The following OR8J3 variants were observed in gnomAD, a reference collection of about 807,000 sequenced individuals.
OR8J3 encodes the protein olfactory receptor 8J3.
For missense variants in OR8J3, 418 were observed against 379.8 expected (o/e 1.10, Z -0.84); for synonymous variants, 170 against 142.6 (o/e 1.19, Z -1.37).
rs1854346628 is a variant in OR8J3 at position 56,137,541 on chromosome 11, A to G, written c.178T>C (p.Tyr60His). The change falls in exon 2 of 2, where the codon TAC becomes CAC. Residue 60 changes from tyrosine (Y) to histidine (H), a missense_variant. Physicochemically the swap from Tyr to His is moderately conservative, Grantham distance 83. Transcript: ENST00000642058. Reference protein sequence around the residue: ...SVDSRLQNPMYFFLRHLAIIN... With the variant: ...SVDSRLQNPMHFFLRHLAIIN... ...ATAGCTAGATGTCTCAGGAAAAAGTACATGGGGTTTTGAAGTCGAGAGTCA... is the reference window on the plus strand; with the variant it reads ...ATAGCTAGATGTCTCAGGAAAAAGTGCATGGGGTTTTGAAGTCGAGAGTCA... The G allele has an allele frequency of 6.2e-7, 1 of 1,614,248 alleles. No homozygotes were observed. The highest frequency in any genetic ancestry group is 1.3e-5 in the African/African-American group (1 of 75,070).
rs367569232 is a variant in OR8J3 at position 56,136,690 on chromosome 11, G to T, written c.*81C>A. 1.5e-5 allele frequency: 11 copies of T among 715,984 alleles called. No homozygotes were observed. The African/African-American group carries it at 1.6e-4, about 11-fold the overall frequency. The allele number at this position is 715,984 out of a possible 1,614,324, so 44.4% of individuals were successfully genotyped here. ...TTACCTCTTGGTAATTCTTAGGATTGCTTGTAAACTTACTTTTATTTCTCT... is the reference window on the plus strand; with the variant it reads ...TTACCTCTTGGTAATTCTTAGGATTTCTTGTAAACTTACTTTTATTTCTCT... On this transcript the variant is annotated 3_prime_UTR_variant, in exon 2 of 2. Transcript: ENST00000642058.
chr11:56,138,112 T>G lies in OR8J3; in HGVS notation c.-394A>C, dbSNP rs961880478. On this transcript the variant is annotated 5_prime_UTR_variant, in exon 2 of 2. Transcript: ENST00000642058. ...GCTTAAGAAATTGTATATCGCCAAA[T>G]AATCCAATGGCTACTTGCAATTTCC... is the stretch of plus-strand genomic sequence containing the variant. 17 of 180,288 alleles carry G rather than the reference T, an allele frequency of 9.4e-5. No homozygotes were observed. Among genetic ancestry groups the G allele is most frequent in the Non-Finnish European group, 1.7e-4 (15 of 86,444 alleles). 11.2% of individuals were successfully genotyped at this position (180,288 alleles called of 1,614,324 possible). A position where few individuals can be genotyped will look rare whatever the true frequency, so the allele number is the denominator to read the frequency against.
At position 56,136,963 on chromosome 11, in the gene OR8J3, A is replaced by G. The variant is rs61743520; in HGVS notation, c.756T>C (p.Tyr252=). ...GCAAATACATAAATAGCATTGTCCC[A>G]TAGAAAACCGTGACTGCTATCATAT... is the stretch of plus-strand genomic sequence containing the variant. The part of the protein sequence containing the change: ...ASHMIAVTVF[Y]GTMLFMYLQP... Residue 252 remains tyrosine (Y), a synonymous_variant, in exon 2 of 2, where the codon TAT becomes TAC. Transcript: ENST00000642058. The G allele has an allele frequency of 3.1e-6, 5 of 1,613,620 alleles. No individual in the cohort carries two copies. The highest frequency in any genetic ancestry group is 1.3e-5 in the African/African-American group (1 of 75,030).
chr11:56,137,607 T>G lies in OR8J3; in HGVS notation c.112A>C (p.Thr38Pro), dbSNP rs748863487. The G allele has an allele frequency of 1.2e-6, 2 of 1,614,168 alleles. No homozygotes were observed. Among genetic ancestry groups the G allele is most frequent in the East Asian group, 2.2e-5 (1 of 44,868 alleles). ...ATGATGCCCAGGTTCCCTGCCATGGTCAGCACATAGAGCACTAGGAAGACC... is the reference window on the plus strand; with the variant it reads ...ATGATGCCCAGGTTCCCTGCCATGGGCAGCACATAGAGCACTAGGAAGACC... Reference protein sequence around the residue: ...FLVFLVLYVLTMAGNLGIITL... With the variant: ...FLVFLVLYVLPMAGNLGIITL... Residue 38 changes from threonine to proline, a missense_variant, in exon 2 of 2, where the codon ACC becomes CCC. Thr to Pro is a conservative substitution (Grantham distance 38, BLOSUM62 -1). Transcript: ENST00000642058.
At chr11:56,139,703 G>T (rs1012784428) in intron 1 of OR8J3, among the ~76,000 whole-genome samples, 1 of 152,160 alleles carries the variant, frequency 6.6e-6, no homozygotes, top group Non-Finnish European at 1.5e-5. Context: ...CTATCACATA[G>T]AATATTAATA....
Position 56,135,076 on chromosome 11 carries a change from TACAA to T in OR8J3, c.*1691_*1694del, listed in dbSNP as rs1414181137. The stretch of plus-strand genomic sequence containing the variant: ...TTATATTTCATTTGTCATATTTGGC[TACAA>T]ACAATTTTATGGTCTTCTAGCATTT... On this transcript the variant is annotated 3_prime_UTR_variant, in exon 2 of 2. Transcript: ENST00000642058. 1.3e-5 allele frequency: 2 copies of T among 152,026 alleles called. No individual in the cohort carries two copies. The highest frequency in any genetic ancestry group is 1.9e-4 in the East Asian group (1 of 5,204). The allele number at this position is 152,026 out of a possible 1,614,324, so 9.4% of individuals were successfully genotyped here. A position where few individuals can be genotyped will look rare whatever the true frequency, so the allele number is the denominator to read the frequency against.
In OR8J3 at chr11:56,138,148, A is replaced by T. The variant is rs1854354122; in HGVS notation, c.-430T>A. 3 of 169,696 alleles carry T rather than the reference A, an allele frequency of 1.8e-5. No homozygotes were observed. The South Asian group carries it at 4.9e-4, about 28-fold the overall frequency. The allele number at this position is 169,696 out of a possible 1,614,324, so 10.5% of individuals were successfully genotyped here. On this transcript the variant is annotated 5_prime_UTR_variant, in exon 2 of 2. Coordinates refer to ENST00000642058, the MANE Select transcript of OR8J3 (RefSeq NM_001004064.2). ...CTACTTGCAATTTCCTAATCTGATA[A>T]TTCTTCCTTTGCCTCAAGACTAGGT... is the stretch of plus-strand genomic sequence containing the variant.
Position 56,137,664 on chromosome 11 carries a change from T to G in OR8J3, c.55A>C (p.Ser19Arg). 6.2e-7 allele frequency: 1 copy of G among 1,613,226 alleles called. No individual in the cohort carries two copies. The highest frequency in any genetic ancestry group is 1.1e-5 in the South Asian group (1 of 90,914). Residue 19 changes from serine (S) to arginine (R), a missense_variant, in exon 2 of 2, where the codon AGC (serine) becomes CGC (arginine). Physicochemically the swap from Ser to Arg is moderately radical, Grantham distance 110. Transcript: ENST00000642058. ...AGGGGAATCTGGAGCTCTGGACAGC[T>G]AGAGACACCTGTGAGAATAAACTCA... The part of the protein sequence containing the change: ...VTEFILTGVS[S>R]CPELQIPLFL...
In OR8J3 at chr11:56,137,623, T is replaced by C. The variant is rs7927014; in HGVS notation, c.96A>G (p.Leu32=). ...ELQIPLFLVF[L]VLYVLTMAGN... ...CTGCCATGGTCAGCACATAGAGCAC[T>C]AGGAAGACCAGGAAGAGGGGAATCT... Residue 32 remains leucine (L), a synonymous_variant, in exon 2 of 2, where the codon CTA becomes CTG. Coordinates refer to ENST00000642058, the MANE Select transcript of OR8J3 (RefSeq NM_001004064.2). The C allele has an allele frequency of 3.7e-6, 6 of 1,614,024 alleles. No individual in the cohort carries two copies. The highest frequency in any genetic ancestry group is 4.2e-6 in the Non-Finnish European group (5 of 1,179,970).
chr11:56,139,197 T>C (rs889438819), intron 1 of OR8J3, among the ~76,000 whole-genome samples: 1 of 152,206 alleles, frequency 6.6e-6, no homozygotes, highest in Non-Finnish European at 1.5e-5. Flanking sequence ...TTCTTTATTT[T>C]AAAGTTCACA....
Position 56,137,596 on chromosome 11 carries a change from C to A in OR8J3, c.123G>T (p.Gly41=). ...FLVLYVLTMA[G]NLGIITLTSV... is the part of the protein sequence containing the mutation. ...TGGTGAGGGTGATGATGCCCAGGTTCCCTGCCATGGTCAGCACATAGAGCA... is the reference window on the plus strand; with the variant it reads ...TGGTGAGGGTGATGATGCCCAGGTTACCTGCCATGGTCAGCACATAGAGCA... Residue 41 remains glycine, a synonymous_variant, in exon 2 of 2, where the codon GGG becomes GGT. Coordinates refer to ENST00000642058, the MANE Select transcript of OR8J3 (RefSeq NM_001004064.2). 1 of 1,614,038 alleles carries A rather than the reference C, an allele frequency of 6.2e-7. No homozygotes were observed. The highest frequency in any genetic ancestry group is 1.1e-5 in the South Asian group (1 of 90,984).
At chr11:56,138,930 GT>G (rs202009899) in intron 1 of OR8J3, among the ~76,000 whole-genome samples, 2 of 150,502 alleles carry the variant, frequency 1.3e-5, no homozygotes, top group African/African-American at 2.4e-5. Context: ...TAGCTGATCT[GT>G]TTTTTTTACG....
chr11:56,137,072 A>G lies in OR8J3; in HGVS notation c.647T>C (p.Val216Ala). The stretch of plus-strand genomic sequence containing the variant: ...GGACAAAACAATATTGAAATAAGAT[A>G]CTAGAACTGTAATCATGGAAAAAAC... ...NLVFSMITVL[V>A]SYFNIVLSIL... The change falls in exon 2 of 2, where the codon GTA becomes GCA. Residue 216 changes from valine to alanine, a missense_variant. Val to Ala is a moderately conservative substitution (Grantham distance 64). Coordinates refer to ENST00000642058, the MANE Select transcript of OR8J3 (RefSeq NM_001004064.2). 6.2e-7 allele frequency: 1 copy of G among 1,613,878 alleles called. No individual in the cohort carries two copies. The highest frequency in any genetic ancestry group is 8.5e-7 in the Non-Finnish European group (1 of 1,179,950).
At chr11:56,139,306 A>G (rs900898630) in intron 1 of OR8J3, among the ~76,000 whole-genome samples, 3 of 152,144 alleles carry the variant, frequency 2.0e-5, no homozygotes, top group African/African-American at 7.2e-5. Context: ...GATAGAATAG[A>G]AAGAGAAACA....
rs761055298 is a variant in OR8J3, at chr11:56,137,466, A to T, written c.253T>A (p.Phe85Ile). 3 of 1,614,214 alleles carry T rather than the reference A, an allele frequency of 1.9e-6. No individual in the cohort carries two copies. The highest frequency in any genetic ancestry group is 2.5e-6 in the Non-Finnish European group (3 of 1,180,038). The change falls in exon 2 of 2, where the codon TTT (phenylalanine) becomes ATT (isoleucine). Residue 85 changes from phenylalanine to isoleucine, a missense_variant. Transcript: ENST00000642058. ...TVIAPKMLMN[F>I]LVKKKTTSFY... ...GAGGTAGTTTTCTTCTTTACTAAAA[A>T]GTTCATCAGCATTTTAGGGGCAATG...
Position 56,136,145 on chromosome 11 carries a change from G to C in OR8J3, c.*626C>G, listed in dbSNP as rs1854328096. On this transcript the variant is annotated 3_prime_UTR_variant, in exon 2 of 2. Transcript: ENST00000642058. ...TTTACAAAGCAAACCCAGTATAAAA[G>C]CATATTCAGTGATAGTAGTCTGAGC... is the stretch of plus-strand genomic sequence containing the variant. The C allele has an allele frequency of 6.6e-6, 1 of 151,922 alleles. No homozygotes were observed. The highest frequency in any genetic ancestry group is 6.6e-5 in the Admixed American group (1 of 15,234). 9.4% of individuals were successfully genotyped at this position (151,922 alleles called of 1,614,324 possible). A position where few individuals can be genotyped will look rare whatever the true frequency, so the allele number is the denominator to read the frequency against.
Position 56,137,788 on chromosome 11 carries a change from T to C in OR8J3, c.-70A>G, listed in dbSNP as rs567493753. 3 of 1,312,478 alleles carry C rather than the reference T, an allele frequency of 2.3e-6. No homozygotes were observed. The highest frequency in any genetic ancestry group is 1.4e-5 in the South Asian group (1 of 70,460). The allele number at this position is 1,312,478 out of a possible 1,614,324, so 81.3% of individuals were successfully genotyped here. A position where few individuals can be genotyped will look rare whatever the true frequency, so the allele number is the denominator to read the frequency against. On this transcript the variant is annotated 5_prime_UTR_variant, in exon 2 of 2. Coordinates refer to ENST00000642058, the MANE Select transcript of OR8J3 (RefSeq NM_001004064.2). The stretch of plus-strand genomic sequence containing the variant: ...TTATAGACGTTAAGGAATCATTTTC[T>C]AGGATTTCCACTAGATGGCAAGGAC...
Position 56,135,891 on chromosome 11 carries a change from C to A in OR8J3, c.*880G>T, listed in dbSNP as rs1051415803. On this transcript the variant is annotated 3_prime_UTR_variant, in exon 2 of 2. Coordinates refer to ENST00000642058, the MANE Select transcript of OR8J3 (RefSeq NM_001004064.2). The stretch of plus-strand genomic sequence containing the variant: ...GGGATATATCCTATAAGTCTGATTA[C>A]TCCTATATATTATAAGTTGTACAAT... 1 of 151,962 alleles carries A rather than the reference C, an allele frequency of 6.6e-6. No individual in the cohort carries two copies. Among genetic ancestry groups the A allele is most frequent in the African/African-American group, 2.4e-5 (1 of 41,514 alleles). The allele number at this position is 151,962 out of a possible 1,614,324, so 9.4% of individuals were successfully genotyped here.
At chr11:56,139,523 T>C (rs900860646) in intron 1 of OR8J3, among the ~76,000 whole-genome samples, 6 of 152,228 alleles carry the variant, frequency 3.9e-5, no homozygotes, top group African/African-American at 1.4e-4. Context: ...TTCCAGGCTA[T>C]GTTCGAGCTT....
Sources: gnomAD v4.1 joint callset for allele counts (sites outside exome capture counted in the v4.1 genomes callset) on GRCh38, gnomAD v4.1.1 for gene constraint, MANE v1.5 for transcripts, NCBI Gene and HGNC (gene_info 2026-07-23, HGNC 2026-07-21) for gene names.